Variants in SORCS1 observed in about 807,000 individuals in gnomAD.
SORCS1 encodes the protein sortilin related VPS10 domain containing receptor 1.
In SORCS1, 60 loss-of-function variants were observed where a neutral mutation model predicts 146.1. The ratio of observed to expected loss-of-function variants is 0.41; its 90% CI spans 0.33 to 0.51. The LOEUF is 0.51. Among genes scored for constraint, SORCS1 ranks in the 20% least tolerant of loss-of-function variants. SORCS1 has a pLI of 0.21. For missense variants in SORCS1, 1,352 were observed against 1,487.6 expected (o/e 0.91, Z 1.50); for synonymous variants, 637 against 584.0 (o/e 1.09, Z -1.31).
intron 1 of SORCS1, among the ~76,000 whole-genome samples, chr10:107,132,438 A>G (rs1966929892): frequency 6.6e-6 from 1 of 152,202 alleles, no homozygotes; most frequent in Non-Finnish European, 1.5e-5. Context: ...CCTTAGTTCT[A>G]GACTCAAGCT....
chr10:106,723,456 A>C (rs1012898457), intron 6 of SORCS1, among the ~76,000 whole-genome samples: 24 of 152,084 alleles, frequency 1.6e-4, no homozygotes, highest in African/African-American at 5.6e-4. Flanking sequence ...TTCATGGATG[A>C]GGACCTGTCA....
chr10:107,072,676 T>C lies in SORCS1; in HGVS notation c.558+91293A>G, dbSNP rs76590688. ...AGAGAGAACGAGAACACTTGCATTA[T>C]TTGCGTTAACTCTAGAGATCTAGAA... On this transcript the variant is annotated intron_variant, in intron 1 of 25. Coordinates refer to ENST00000263054, the MANE Select transcript of SORCS1 (RefSeq NM_052918.5). Among the ~76,000 whole-genome samples, 17 of 151,734 alleles carry C rather than the reference T, an allele frequency of 1.1e-4. 1 individual carries two copies. The East Asian group carries it at 3.3e-3, about 29-fold the overall frequency.
At chr10:107,153,550 T>C (rs1969018810) in intron 1 of SORCS1, among the ~76,000 whole-genome samples, 2 of 152,188 alleles carry the variant, frequency 1.3e-5, no homozygotes, top group Admixed American at 1.3e-4. Flanking sequence ...AAGGCGATGA[T>C]AAACAAAAGG....
At chr10:106,722,148 C>CACACACACACACAT (rs1468918173) in intron 6 of SORCS1, among the ~76,000 whole-genome samples, 1 of 148,558 alleles carries the variant, frequency 6.7e-6, no homozygotes, top group Admixed American at 6.7e-5. Flanking sequence ...CACACACACA[C>CACACACACACACAT]ATATATATAT....
rs769332797 is a variant in SORCS1 at position 106,675,044 on chromosome 10, C to T, written c.1940+5G>A. On this transcript the variant is annotated splice_donor_5th_base_variant and intron_variant, in intron 14 of 25. Transcript: ENST00000263054. ...GGCTGGACCACATCATACTTTTCAACTTACGTCATGATGAGAGTCTCTTCT... is the reference window on the plus strand; with the variant it reads ...GGCTGGACCACATCATACTTTTCAATTTACGTCATGATGAGAGTCTCTTCT... 6.2e-7 allele frequency: 1 copy of T among 1,608,314 alleles called. No homozygotes were observed. Among genetic ancestry groups the T allele is most frequent in the Admixed American group, 1.7e-5 (1 of 59,890 alleles).
chr10:107,152,428 C>T lies in SORCS1; in HGVS notation c.558+11541G>A, dbSNP rs569837971. Among the ~76,000 whole-genome samples, 324 of 152,276 alleles carry T rather than the reference C, an allele frequency of 2.1e-3. 2 individuals carry two copies. Among genetic ancestry groups the T allele is most frequent in the African/African-American group, 7.3e-3 (302 of 41,550 alleles). ...CCATACCCCAGAATGGTAGATCCACCGACAACTTGTTCCATGCATTTGGAA... is the reference window on the plus strand; with the variant it reads ...CCATACCCCAGAATGGTAGATCCACTGACAACTTGTTCCATGCATTTGGAA... On this transcript the variant is annotated intron_variant, in intron 1 of 25. Coordinates refer to ENST00000263054, the MANE Select transcript of SORCS1 (RefSeq NM_052918.5).
At chr10:106,796,639 T>C (rs1322994657) in intron 3 of SORCS1, among the ~76,000 whole-genome samples, 1 of 151,988 alleles carries the variant, frequency 6.6e-6, no homozygotes, top group Non-Finnish European at 1.5e-5. Context: ...GAGACAAAGA[T>C]TGACAGGGAC....
chr10:107,126,453 C>A (rs1451087907), intron 1 of SORCS1, among the ~76,000 whole-genome samples: 1 of 152,106 alleles, frequency 6.6e-6, no homozygotes. Flanking sequence ...AAAATTCTTA[C>A]GTTTAGATTG....
At chr10:107,084,258 G>A (rs1437230057) in intron 1 of SORCS1, among the ~76,000 whole-genome samples, 1 of 147,828 alleles carries the variant, frequency 6.8e-6, no homozygotes, top group African/African-American at 2.6e-5. Context: ...ACCATACCCG[G>A]CTAATTTTTT....
intron 5 of SORCS1, 115 bp downstream of exon 5, chr10:106,761,473 A>G (rs950166994): frequency 4.0e-5 from 34 of 851,598 alleles, no homozygotes; most frequent in African/African-American, 6.7e-5. Flanking sequence ...GCATGTCCCA[A>G]TAAGAACAGA....
chr10:107,120,825 T>C (rs1295994817), intron 1 of SORCS1, among the ~76,000 whole-genome samples: 2 of 152,150 alleles, frequency 1.3e-5, no homozygotes, highest in Non-Finnish European at 2.9e-5. Flanking sequence ...TCCCTTCTTG[T>C]AACATGCTCC....
chr10:107,166,069 T>C (rs1970042809), upstream of SORCS1, among the ~76,000 whole-genome samples: 1 of 152,232 alleles, frequency 6.6e-6, no homozygotes, highest in Non-Finnish European at 1.5e-5. Flanking sequence ...TCAGATTTCT[T>C]TGCAGTCTTC....
At position 106,738,549 on chromosome 10, in the gene SORCS1, G is replaced by T. The variant is rs186223699; in HGVS notation, c.960-8435C>A. 3.6e-3 allele frequency among the ~76,000 whole-genome samples: 552 copies of T among 152,334 alleles called. 9 individuals are homozygous for T. The highest frequency in any genetic ancestry group is 0.013 in the African/African-American group (533 of 41,584). ...CTTGTGTTGATGTTAAAATCAGTGT[G>T]AGAGGAAGGAGGCTGGAGATCCTGC... On this transcript the variant is annotated intron_variant, in intron 5 of 25. Transcript: ENST00000263054.
At chr10:106,593,282 T>C (rs1845720552) in intron 24 of SORCS1, among the ~76,000 whole-genome samples, 2 of 151,512 alleles carry the variant, frequency 1.3e-5, no homozygotes, top group African/African-American at 2.4e-5. Flanking sequence ...ATATTTTTTT[T>C]CTTTTTTTCT....
chr10:107,134,106 T>C (rs986765619), intron 1 of SORCS1, among the ~76,000 whole-genome samples: 1 of 152,096 alleles, frequency 6.6e-6, no homozygotes, highest in African/African-American at 2.4e-5. Flanking sequence ...AGTCAGAGGG[T>C]CTTCCTGGCC....
In SORCS1 at chr10:106,960,637, G is replaced by A. The variant is rs1229605721; in HGVS notation, c.559-4057C>T. ...AGAATGGTCTCGATCTCTTGACCTC[G>A]TGATCCACCTGACTCAGCCTCCCAA... is the stretch of plus-strand genomic sequence containing the variant. On this transcript the variant is annotated intron_variant, in intron 1 of 25. Coordinates refer to ENST00000263054, the MANE Select transcript of SORCS1 (RefSeq NM_052918.5). The surrounding 1 kb of genome is among the most constrained non-coding windows in gnomAD (Gnocchi z 4.4). Among the ~76,000 whole-genome samples the A allele has an allele frequency of 1.3e-5, 2 of 152,042 alleles. No homozygotes were observed. Among genetic ancestry groups the A allele is most frequent in the African/African-American group, 4.8e-5 (2 of 41,408 alleles).
At chr10:106,938,327 C>T (rs1167123841) in intron 2 of SORCS1, among the ~76,000 whole-genome samples, 2 of 152,198 alleles carry the variant, frequency 1.3e-5, no homozygotes, top group Non-Finnish European at 2.9e-5. Context: ...TGCCCTACTA[C>T]AACGAGTCTA....
At chr10:106,708,601 AC>A (rs1320568920) in intron 7 of SORCS1, among the ~76,000 whole-genome samples, 1 of 152,184 alleles carries the variant, frequency 6.6e-6, no homozygotes, top group Non-Finnish European at 1.5e-5. Flanking sequence ...AACTCAGGAA[AC>A]GTCAGCTTCT....
chr10:106,741,610 A>G (rs1857368250), intron 5 of SORCS1, among the ~76,000 whole-genome samples: 2 of 151,722 alleles, frequency 1.3e-5, no homozygotes, highest in South Asian at 4.2e-4. Flanking sequence ...AAAAAATAAT[A>G]ATAATTATAT....
Sources: gnomAD v4.1 joint callset for allele counts (sites outside exome capture counted in the v4.1 genomes callset) on GRCh38, gnomAD v4.1.1 for gene constraint, Gnocchi (gnomAD v3.1) non-coding constraint, MANE v1.5 for transcripts, NCBI Gene and HGNC (gene_info 2026-07-23, HGNC 2026-07-21) for gene names.